RAP1GAP: variants seen among roughly 807,000 people sequenced by gnomAD.
RAP1GAP encodes RAP1 GTPase activating protein, also known as rap1 GTPase-activating protein 1.
A neutral mutation model predicts 87.2 loss-of-function variants in RAP1GAP; 35 were observed. The ratio of observed to expected loss-of-function variants is 0.40; its 90% confidence interval spans 0.31 to 0.53. The LOEUF (loss-of-function observed/expected upper bound fraction) is 0.53, where lower values mean the gene tolerates loss of function less well. Ranked by LOEUF, RAP1GAP falls within the 20% of genes least tolerant of loss-of-function variation. The pLI is 0.48. For synonymous variants in RAP1GAP, 375 were observed against 363.9 expected (o/e 1.03, Z -0.35); for missense variants, 734 against 898.9 (o/e 0.82, Z 2.35).
rs931938631 is a variant in RAP1GAP, at chr1:21,613,817, G to A, written c.396-111C>T. ...GGGGTGGACCACAGCGAGGACCAGAGGTGATGATGGGTGTCAGGCTGACTC... is the reference window on the plus strand; with the variant it reads ...GGGGTGGACCACAGCGAGGACCAGAAGTGATGATGGGTGTCAGGCTGACTC... On this transcript the variant is annotated intron_variant, in intron 8 of 24. Transcript: ENST00000374765. This position sits in a 1 kb window ranked among gnomAD's most constrained non-coding sequence, Gnocchi z 4.7. 3.3e-6 allele frequency: 4 copies of A among 1,194,744 alleles called. No homozygotes were observed. The highest frequency in any genetic ancestry group is 1.9e-4 in the Middle Eastern group (1 of 5,208). 74.0% of individuals were successfully genotyped at this position (1,194,744 alleles called of 1,614,324 possible).
chr1:21,613,181 G>A lies in RAP1GAP; in HGVS notation c.523C>T (p.Pro175Ser), dbSNP rs1369567047. Residue 175 changes from proline (P) to serine (S), a missense_variant, in exon 10 of 25, where the codon CCC becomes TCC. Coordinates refer to ENST00000374765, the MANE Select transcript of RAP1GAP (RefSeq NM_002885.4). The surrounding 1 kb of genome is among the most constrained non-coding windows in gnomAD (Gnocchi z 4.7). ...NVDRFYPVLYPKASRLIVTFD... is the reference protein window; with the variant it reads ...NVDRFYPVLYSKASRLIVTFD... ...GTGCCCAGATCCAGCCATACCTTGG[G>A]GTAGAGCACAGGATAGAACCGATCC... The A allele has an allele frequency of 1.3e-6, 2 of 1,550,650 alleles. No homozygotes were observed. Among genetic ancestry groups the A allele is most frequent in the African/African-American group, 2.7e-5 (2 of 73,374 alleles).
In RAP1GAP at chr1:21,662,824, G is replaced by T. The variant is rs571633953; in HGVS notation, c.-149+6430C>A. Among the ~76,000 whole-genome samples, 3 of 152,310 alleles carry T rather than the reference G, an allele frequency of 2.0e-5. No homozygotes were observed. In the East Asian group the frequency reaches 5.8e-4, roughly 29 times the overall value. ...CCACTCACCAGCTGGGTGACCTGGG[G>T]CAGGCTATTTAACCTCTCTGAGCCC... On this transcript the variant is annotated intron_variant, in intron 1 of 24. Coordinates refer to ENST00000374765, the MANE Select transcript of RAP1GAP (RefSeq NM_002885.4).
chr1:21,617,568 C>T, intron 6 of RAP1GAP, 77 bp from the exon 7 acceptor site: 1 of 1,464,044 alleles, frequency 6.8e-7, no homozygotes, highest in Non-Finnish European at 9.2e-7. Flanking sequence ...CAACTCAGAC[C>T]TGGAGCCGCT....
chr1:21,644,875 T>C (rs904800119), intron 2 of RAP1GAP, among the ~76,000 whole-genome samples: 1 of 130,298 alleles, frequency 7.7e-6, no homozygotes, highest in African/African-American at 3.0e-5. Context: ...CACCCCAGCC[T>C]GGGTAACAGA....
chr1:21,666,659 C>T (rs1223999217), intron 1 of RAP1GAP, among the ~76,000 whole-genome samples: 2 of 152,092 alleles, frequency 1.3e-5, no homozygotes, highest in African/African-American at 2.4e-5. Context: ...CACTCCCCTC[C>T]CCGGGTGATG....
intron 2 of RAP1GAP, among the ~76,000 whole-genome samples, chr1:21,644,992 T>G (rs558254492): frequency 6.6e-6 from 1 of 152,076 alleles, no homozygotes; most frequent in South Asian, 2.1e-4. Context: ...ACTTATAGTC[T>G]GCCTCCGCCA....
In RAP1GAP at chr1:21,634,122, C is replaced by A. The variant is rs929690812; in HGVS notation, c.-112-7725G>T. On this transcript the variant is annotated intron_variant, in intron 2 of 24. Transcript: ENST00000374765. This position sits in a 1 kb window ranked among gnomAD's most constrained non-coding sequence, Gnocchi z 4.1. ...AGCTCAACCAGCCGGCACTGCCCTC[C>A]CCTTGGCTTGCCCCTGTCCCTGCCA... 1.3e-5 allele frequency among the ~76,000 whole-genome samples: 2 copies of A among 151,860 alleles called. No homozygotes were observed. Among genetic ancestry groups the A allele is most frequent in the Non-Finnish European group, 2.9e-5 (2 of 67,980 alleles).
intron 2 of RAP1GAP, among the ~76,000 whole-genome samples, chr1:21,639,288 G>A (rs2095276496): frequency 6.6e-6 from 1 of 152,200 alleles, no homozygotes; most frequent in African/African-American, 2.4e-5. Context: ...CCCTTCCCTG[G>A]AGCTCTAAAT....
intron 1 of RAP1GAP, among the ~76,000 whole-genome samples, chr1:21,650,618 T>TG (rs1037822691): frequency 6.6e-6 from 1 of 152,176 alleles, no homozygotes; most frequent in African/African-American, 2.4e-5. Context: ...AGGGCAGGGC[T>TG]GGGGGCTCCC....
intron 1 of RAP1GAP, chr1:21,651,407 G>C (rs2096548928): frequency 1.8e-6 from 1 of 546,838 alleles, no homozygotes; most frequent in Non-Finnish European, 3.7e-6. Context: ...CATGTGAGCA[G>C]TTGCGCACAC....
intron 2 of RAP1GAP, among the ~76,000 whole-genome samples, chr1:21,638,764 A>C (rs1263418613): frequency 6.6e-6 from 1 of 152,236 alleles, no homozygotes; most frequent in Non-Finnish European, 1.5e-5. Context: ...CTGAGCACTC[A>C]CTATGACTCA....
At chr1:21,658,941 C>CTT (rs35740242) in intron 1 of RAP1GAP, among the ~76,000 whole-genome samples, 4,552 of 132,294 alleles carry the variant, frequency 0.034, 177 homozygotes, top group African/African-American at 0.077. Flanking sequence ...ATGAAGAACG[C>CTT]TTTTTTTTTT....
At chr1:21,650,599 G>A (rs983299159) in intron 1 of RAP1GAP, among the ~76,000 whole-genome samples, 6 of 152,190 alleles carry the variant, frequency 3.9e-5, no homozygotes, top group African/African-American at 1.2e-4. Context: ...GCAAGAGGAC[G>A]TCCTCCGCAG....
intron 1 of RAP1GAP, among the ~76,000 whole-genome samples, chr1:21,656,206 G>A (rs574913306): frequency 1.8e-3 from 277 of 152,264 alleles, no homozygotes; most frequent in African/African-American, 6.3e-3. Context: ...GCTGAGGCAG[G>A]TGAATCATGA....
intron 2 of RAP1GAP, among the ~76,000 whole-genome samples, chr1:21,631,704 AC>A (rs1443141057): frequency 2.0e-5 from 3 of 152,022 alleles, no homozygotes; most frequent in Non-Finnish European, 4.4e-5. Context: ...AAAAACAAAA[AC>A]AAAAAACAAA....
At chr1:21,624,252 G>A (rs1009581634) in intron 3 of RAP1GAP, among the ~76,000 whole-genome samples, 2 of 152,164 alleles carry the variant, frequency 1.3e-5, no homozygotes, top group Non-Finnish European at 2.9e-5. Flanking sequence ...GGAGGAGAAT[G>A]TCCCTTCTGG....
intron 20 of RAP1GAP, among the ~76,000 whole-genome samples, chr1:21,599,841 C>T (rs1158179894): frequency 6.6e-6 from 1 of 152,200 alleles, no homozygotes; most frequent in African/African-American, 2.4e-5. Context: ...CACGTCCCTC[C>T]CCTGCTCAAA....
At chr1:21,607,930 C>A (rs1337077214) in intron 17 of RAP1GAP, among the ~76,000 whole-genome samples, 3 of 151,820 alleles carry the variant, frequency 2.0e-5, no homozygotes, top group Admixed American at 1.3e-4. Flanking sequence ...CCAGACTCTA[C>A]CCGCAGGCGA....
At chr1:21,620,087 C>T in intron 3 of RAP1GAP, 37 bp from the exon 4 acceptor site, 1 of 1,611,602 alleles carries the variant, frequency 6.2e-7, no homozygotes, top group Non-Finnish European at 8.5e-7. Context: ...GTCAGCTGAT[C>T]CCGCCAAGCC....
Sources: gnomAD v4.1 joint callset for allele counts (sites outside exome capture counted in the v4.1 genomes callset) on GRCh38, gnomAD v4.1.1 for gene constraint, Gnocchi (gnomAD v3.1) non-coding constraint, MANE v1.5 for transcripts, NCBI Gene and HGNC (gene_info 2026-07-23, HGNC 2026-07-21) for gene names.